GAA: variants seen among roughly 807,000 people sequenced by gnomAD.
GAA encodes the protein lysosomal alpha-glucosidase.
A neutral mutation model predicts 103.9 loss-of-function variants in GAA; 88 were observed. The ratio of observed to expected loss-of-function variants is 0.85; its 90% CI spans 0.71 to 1.01. GAA has a LOEUF of 1.01. Among genes scored for constraint, GAA ranks in the 50% least tolerant of loss-of-function variants. The pLI is 0.00. For synonymous variants in GAA, 572 were observed against 563.1 expected (o/e 1.02, Z -0.22); for missense variants, 1,350 against 1,305.3 (o/e 1.03, Z -0.53).
rs2039254645 is a variant in GAA at position 80,112,251 on chromosome 17, T to C, written c.1754+151T>C. The C allele has an allele frequency of 9.2e-6, 7 of 760,626 alleles. No individual in the cohort carries two copies. The South Asian group carries it at 1.0e-4, about 11-fold the overall frequency. The allele number at this position is 760,626 out of a possible 1,614,324, so 47.1% of individuals were successfully genotyped here. ...CCGAGTGCTCTCCCCACCCGCTGCC[T>C]GCACCCCAGCCTGAAGCTGGAGCGC... On this transcript the variant is annotated intron_variant, in intron 12 of 19. Coordinates refer to ENST00000302262, the MANE Select transcript of GAA (RefSeq NM_000152.5).
rs1278249283 is a variant in GAA, at chr17:80,104,575, C to T, written c.-12C>T. 6.2e-7 allele frequency: 1 copy of T among 1,607,332 alleles called. No homozygotes were observed. ...CGCAGGCCTGTAGGAGCTGTCCAGGCCATCTCCAACCATGGGAGTGAGGCA... is the reference window on the plus strand; with the variant it reads ...CGCAGGCCTGTAGGAGCTGTCCAGGTCATCTCCAACCATGGGAGTGAGGCA... On this transcript the variant is annotated 5_prime_UTR_variant, in exon 2 of 20. Transcript: ENST00000302262. The surrounding 1 kb of genome is among the most constrained non-coding windows in gnomAD (Gnocchi z 4.0).
chr17:80,118,386 G>A lies in GAA; in HGVS notation c.2646+29G>A, dbSNP rs754331499. 6 of 1,556,538 alleles carry A rather than the reference G, an allele frequency of 3.9e-6. No individual in the cohort carries two copies. The South Asian group carries it at 6.2e-5, about 16-fold the overall frequency. On this transcript the variant is annotated intron_variant, in intron 18 of 19. Coordinates refer to ENST00000302262, the MANE Select transcript of GAA (RefSeq NM_000152.5). ...AGTCCTGGGGCTGCTCAGGCTGGTG[G>A]GCAGGGGCCGGCTCGGGGTTGAGAA...
rs370842677 is a variant in GAA at position 80,108,421 on chromosome 17, T to G, written c.1075+12T>G. On this transcript the variant is annotated intron_variant, in intron 6 of 19. Transcript: ENST00000302262. ...CCTGGACGTTGTGGGTAGGGCCTGC[T>G]CCCTGGCCGCGGCCCCCGCCCCAAG... The G allele has an allele frequency of 4.9e-5, 79 of 1,613,026 alleles. No homozygotes were observed. The highest frequency in any genetic ancestry group is 6.4e-5 in the Non-Finnish European group (76 of 1,180,010).
At position 80,117,006 on chromosome 17, in the gene GAA, A is replaced by G. The variant is rs1567838823; in HGVS notation, c.2228A>G (p.Gln743Arg). 24 of 1,613,764 alleles carry G rather than the reference A, an allele frequency of 1.5e-5. No individual in the cohort carries two copies. Among genetic ancestry groups the G allele is most frequent in the Non-Finnish European group, 2.0e-5 (24 of 1,180,038 alleles). ...TCTAGCACCTGGACTGTGGACCACC[A>G]GCTCCTGTGGGGGGAGGCCCTGCTC... The part of the protein sequence containing the change: ...KDSSTWTVDH[Q>R]LLWGEALLIT... The change falls in exon 16 of 20, where the codon CAG (glutamine) becomes CGG (arginine). Residue 743 changes from glutamine (Q) to arginine (R), a missense_variant. Coordinates refer to ENST00000302262, the MANE Select transcript of GAA (RefSeq NM_000152.5).
At position 80,104,522 on chromosome 17, in the gene GAA, C is replaced by T. The variant is rs1344777512; in HGVS notation, c.-32-33C>T. 6.7e-6 allele frequency: 10 copies of T among 1,498,440 alleles called. No individual in the cohort carries two copies. In the Admixed American group the frequency reaches 1.2e-4, roughly 17 times the overall value. The allele number at this position is 1,498,440 out of a possible 1,614,324, so 92.8% of individuals were successfully genotyped here. A position where few individuals can be genotyped will look rare whatever the true frequency, so the allele number is the denominator to read the frequency against. ...AGCCCCGTGAGTGCCGCCCCTCCCG[C>T]CTCCCTGCTGAGCCCGCTTTCTTCT... On this transcript the variant is annotated intron_variant, in intron 1 of 19. Coordinates refer to ENST00000302262, the MANE Select transcript of GAA (RefSeq NM_000152.5). This position sits in a 1 kb window ranked among gnomAD's most constrained non-coding sequence, Gnocchi z 4.0.
chr17:80,113,930 A>G (rs2039306729), intron 15 of GAA, among the ~76,000 whole-genome samples: 1 of 151,826 alleles, frequency 6.6e-6, no homozygotes, highest in South Asian at 2.1e-4. Flanking sequence ...AGGCCAGAGA[A>G]TCCCTTGAAC....
chr17:80,112,761 C>T, intron 13 of GAA, 50 bp downstream of exon 13: 1 of 1,584,888 alleles, frequency 6.3e-7, no homozygotes, highest in Non-Finnish European at 8.6e-7. Flanking sequence ...CCGGGGGCCT[C>T]TATGGGAGGC....
intron 9 of GAA, 131 bp from the exon 10 acceptor site, chr17:80,110,596 C>A: frequency 2.8e-6 from 2 of 721,492 alleles, no homozygotes; most frequent in Non-Finnish European, 4.8e-6. Flanking sequence ...GGGTGCAGGT[C>A]TCTCAGATTT....
rs755043259 is a variant in GAA, at chr17:80,118,612, T to C, written c.2647-41T>C. On this transcript the variant is annotated intron_variant, in intron 18 of 19. Transcript: ENST00000302262. ...CCTGCCCCAGCTGTCTGCTGACACC[T>C]CCACATTCTCTGCCTTTTCATCTCT... 3 of 1,608,278 alleles carry C rather than the reference T, an allele frequency of 1.9e-6. No individual in the cohort carries two copies. The African/African-American group carries it at 4.0e-5, about 21-fold the overall frequency.
At chr17:80,113,411 G>A (rs1309702320) in intron 15 of GAA, 45 bp downstream of exon 15, 2 of 1,484,036 alleles carry the variant, frequency 1.3e-6, no homozygotes, top group African/African-American at 1.4e-5. Flanking sequence ...TGCCCTGGGG[G>A]AGGGGCACGT....
Position 80,118,793 on chromosome 17 carries a change from C to T in GAA, c.2787C>T (p.Ser929=). The T allele has an allele frequency of 6.2e-7, 1 of 1,613,308 alleles. No homozygotes were observed. The highest frequency in any genetic ancestry group is 8.5e-7 in the Non-Finnish European group (1 of 1,180,028). ...TCCCTGTCTCCAACTTCACCTACAG[C>T]CCCGACACCAAGGCAAGAGGGCCCA... ...NGVPVSNFTY[S]PDTKVLDICV... Residue 929 remains serine (S), a synonymous_variant, in exon 19 of 20, where the codon AGC becomes AGT. Transcript: ENST00000302262.
chr17:80,111,812 C>T (rs1188389208), intron 11 of GAA, 171 bp from the exon 12 acceptor site: 12 of 616,804 alleles, frequency 1.9e-5, no homozygotes, highest in East Asian at 1.9e-4. Flanking sequence ...CCCAGGTTCC[C>T]GGGTAACGCC....
chr17:80,103,083 G>A (rs1057214472), intron 1 of GAA, among the ~76,000 whole-genome samples: 4 of 152,338 alleles, frequency 2.6e-5, no homozygotes, highest in South Asian at 2.1e-4. Flanking sequence ...ACGTCCGGCC[G>A]GGGGCAGAGC....
rs780853773 is a variant in GAA, at chr17:80,119,416, G to A, written c.*85G>A. 2.5e-6 allele frequency: 3 copies of A among 1,195,922 alleles called. No individual in the cohort carries two copies. Among genetic ancestry groups the A allele is most frequent in the Non-Finnish European group, 3.7e-6 (3 of 801,318 alleles). 74.1% of individuals were successfully genotyped at this position (1,195,922 alleles called of 1,614,324 possible). On this transcript the variant is annotated 3_prime_UTR_variant, in exon 20 of 20. Coordinates refer to ENST00000302262, the MANE Select transcript of GAA (RefSeq NM_000152.5). ...GTGTGCGGGCAGCAGCTGTGTGCGGGCCTGGGGGTTGCATGTGTCACCTGG... is the reference window on the plus strand; with the variant it reads ...GTGTGCGGGCAGCAGCTGTGTGCGGACCTGGGGGTTGCATGTGTCACCTGG...
In GAA at chr17:80,110,983, G is replaced by T. The variant is rs773576381; in HGVS notation, c.1594G>T (p.Gly532Cys). The change falls in exon 11 of 20, where the codon GGC becomes TGC. Residue 532 changes from glycine (G) to cysteine (C), a missense_variant. Transcript: ENST00000302262. ...CAACTTCATCAGGGGCTCTGAGGAC[G>T]GCTGCCCCAACAATGAGCTGGAGAA... ...PSNFIRGSED[G>C]CPNNELENPP... The T allele has an allele frequency of 1.9e-6, 3 of 1,613,860 alleles. No individual in the cohort carries two copies. The highest frequency in any genetic ancestry group is 2.5e-6 in the Non-Finnish European group (3 of 1,179,980).
intron 12 of GAA, 61 bp downstream of exon 12, chr17:80,112,161 G>T: frequency 2.1e-5 from 31 of 1,498,402 alleles, no homozygotes; most frequent in Non-Finnish European, 2.8e-5. Flanking sequence ...CAAGGTTGGG[G>T]CCTCTGCAGG....
rs2039435615 is a variant in GAA at position 80,119,468 on chromosome 17, C to CT, written c.*137_*138insT. 2 of 764,530 alleles carry CT rather than the reference C, an allele frequency of 2.6e-6. No individual in the cohort carries two copies. Among genetic ancestry groups the CT allele is most frequent in the East Asian group, 5.4e-5 (2 of 37,106 alleles). The allele number at this position is 764,530 out of a possible 1,614,324, so 47.4% of individuals were successfully genotyped here. ...GCTGGGCACTAACCATTCCAAGCCG[C>CT]CGCATCGCTTGTTTCCACCTCCTGG... On this transcript the variant is annotated 3_prime_UTR_variant, in exon 20 of 20. Coordinates refer to ENST00000302262, the MANE Select transcript of GAA (RefSeq NM_000152.5).
At chr17:80,105,610 C>T (rs1336124457) in intron 2 of GAA, 139 bp from the exon 3 acceptor site, 1 of 1,037,438 alleles carries the variant, frequency 9.6e-7, no homozygotes, top group Non-Finnish European at 1.5e-6. Flanking sequence ...AGCCGAGGCT[C>T]AGAGAGGCTG....
At chr17:80,107,938 C>T (rs775647740) in intron 5 of GAA, 42 bp downstream of exon 5, 29 of 1,545,664 alleles carry the variant, frequency 1.9e-5, no homozygotes, top group South Asian at 4.6e-5. Context: ...GGGTCTCCTC[C>T]GTGCTGCCTG....
Sources: allele counts gnomAD v4.1 joint callset (sites outside exome capture counted in the v4.1 genomes callset), GRCh38; gene constraint gnomAD v4.1.1; non-coding constraint Gnocchi (gnomAD v3.1); transcripts MANE v1.5; gene names NCBI Gene and HGNC (gene_info 2026-07-23, HGNC 2026-07-21).